BICC1: variants seen among roughly 807,000 people sequenced by gnomAD.
BICC1 encodes the protein BicC family RNA binding protein 1.
A neutral mutation model predicts 111.0 loss-of-function variants in BICC1; 43 were observed. The ratio of observed to expected loss-of-function variants is 0.39; its 90% CI spans 0.30 to 0.50. The LOEUF (loss-of-function observed/expected upper bound fraction) is 0.50, where lower values mean the gene tolerates loss of function less well. BICC1 is among the 20% of genes least tolerant of loss of function. BICC1 has a pLI of 0.88. For missense variants in BICC1, 1,091 were observed against 1,203.2 expected, an observed-to-expected ratio of 0.91 and a Z score of 1.38; for synonymous variants, 467 against 434.4, an observed-to-expected ratio of 1.07 and a Z score of -0.93.
chr10:58,588,845 A>C (rs1414848989), intron 1 of BICC1, among the ~76,000 whole-genome samples: 3 of 152,220 alleles, frequency 2.0e-5, no homozygotes, highest in African/African-American at 7.2e-5. Flanking sequence ...ATGGCATAGC[A>C]GACTTGGCCA....
intron 1 of BICC1, among the ~76,000 whole-genome samples, chr10:58,531,531 C>A (rs1325576915): frequency 6.6e-6 from 1 of 151,666 alleles, no homozygotes; most frequent in Non-Finnish European, 1.5e-5. Context: ...GGCACACAAA[C>A]AGGGAAAATA....
At chr10:58,671,414 C>T (rs1839180609) in intron 2 of BICC1, among the ~76,000 whole-genome samples, 1 of 152,052 alleles carries the variant, frequency 6.6e-6, no homozygotes, top group Non-Finnish European at 1.5e-5. Flanking sequence ...CTGTGGATAT[C>T]ACAGTCCAGT....
intron 2 of BICC1, among the ~76,000 whole-genome samples, chr10:58,625,095 T>C (rs556638236): frequency 2.6e-5 from 4 of 152,352 alleles, no homozygotes; most frequent in African/African-American, 9.6e-5. Context: ...CGGCTCTGAC[T>C]ACACTTATAA....
chr10:58,799,152 C>G lies in BICC1; in HGVS notation c.1625C>G (p.Ala542Gly). The change falls in exon 12 of 21, where the codon GCT (alanine) becomes GGT (glycine). Residue 542 changes from alanine to glycine, a missense_variant. Physicochemically the swap from Ala to Gly is moderately conservative, Grantham distance 60. Transcript: ENST00000373886. Reference sequence around the variant, plus strand: ...GGAGTGCCCACCTATGGGCACACAGCTCCATCTCCCCCTCCTGGCTTGACT... The same window carrying G: ...GGAGTGCCCACCTATGGGCACACAGGTCCATCTCCCCCTCCTGGCTTGACT... The part of the protein sequence containing the change: ...LSGVPTYGHT[A>G]PSPPPGLTPV... The G allele has an allele frequency of 6.2e-7, 1 of 1,613,848 alleles. No homozygotes were observed. The highest frequency in any genetic ancestry group is 1.3e-5 in the African/African-American group (1 of 75,042).
intron 3 of BICC1, among the ~76,000 whole-genome samples, chr10:58,752,379 A>T (rs925712359): frequency 6.6e-6 from 1 of 152,172 alleles, no homozygotes. Context: ...CAGTAGAAGG[A>T]TCTAATTCTC....
At chr10:58,820,236 G>T in intron 19 of BICC1, 133 bp from the exon 20 acceptor site, 2 of 564,828 alleles carry the variant, frequency 3.5e-6, no homozygotes, top group South Asian at 2.3e-5. Flanking sequence ...TCTTAGGTTT[G>T]TGCTACCACC....
At chr10:58,790,005 T>C (rs1235622421) in intron 8 of BICC1, 72 bp downstream of exon 8, 1 of 1,497,100 alleles carries the variant, frequency 6.7e-7, no homozygotes, top group South Asian at 1.3e-5. Flanking sequence ...TTCCATCCAC[T>C]GTACTAATGT....
At chr10:58,621,914 T>C (rs78597913) in intron 2 of BICC1, among the ~76,000 whole-genome samples, 41,368 of 81,614 alleles carry the variant, frequency 0.51, 11,943 homozygotes, top group African/African-American at 0.58. Context: ...TAGAATAGAA[T>C]AGAATAGAAT....
At chr10:58,642,268 G>C (rs1351146936) in intron 2 of BICC1, among the ~76,000 whole-genome samples, 8 of 152,172 alleles carry the variant, frequency 5.3e-5, no homozygotes, top group Admixed American at 5.2e-4. Flanking sequence ...ACTCATGGTG[G>C]CTTCTTATTC....
intron 3 of BICC1, among the ~76,000 whole-genome samples, chr10:58,773,474 A>T (rs1461094668): frequency 6.6e-6 from 1 of 152,220 alleles, no homozygotes; most frequent in Non-Finnish European, 1.5e-5. Flanking sequence ...TTAATAGATG[A>T]TGAGGCACAA....
intron 1 of BICC1, among the ~76,000 whole-genome samples, chr10:58,574,730 C>T (rs1844057573): frequency 6.6e-6 from 1 of 152,024 alleles, no homozygotes; most frequent in Non-Finnish European, 1.5e-5. Context: ...TTAAAAATAA[C>T]ATAAAACTTA....
chr10:58,779,321 A>C (rs769352439), intron 3 of BICC1, among the ~76,000 whole-genome samples: 3 of 152,226 alleles, frequency 2.0e-5, no homozygotes, highest in Non-Finnish European at 4.4e-5. Context: ...TTTGTGCCTA[A>C]AAGCACATTA....
At chr10:58,721,012 G>A (rs1422590009) in intron 3 of BICC1, among the ~76,000 whole-genome samples, 1 of 152,170 alleles carries the variant, frequency 6.6e-6, no homozygotes, top group Non-Finnish European at 1.5e-5. Context: ...GGCCTGATCT[G>A]TGCTTCTCTA....
At chr10:58,782,119 G>A (rs1003227221) in intron 3 of BICC1, among the ~76,000 whole-genome samples, 2 of 152,046 alleles carry the variant, frequency 1.3e-5, no homozygotes, top group African/African-American at 4.8e-5. Flanking sequence ...TTTCTGTTGA[G>A]GCGTTTGCTT....
At chr10:58,628,417 G>A (rs1417857510) in intron 2 of BICC1, among the ~76,000 whole-genome samples, 1 of 152,040 alleles carries the variant, frequency 6.6e-6, no homozygotes, top group Non-Finnish European at 1.5e-5. Context: ...TCATTTCTAG[G>A]TAGTGTTAAT....
At chr10:58,567,538 A>C (rs1649044) in intron 1 of BICC1, among the ~76,000 whole-genome samples, 72,180 of 150,788 alleles carry the variant, frequency 0.48, 18,358 homozygotes, top group Admixed American at 0.64. Flanking sequence ...GTATATATAT[A>C]TATCTCTTTT....
Position 58,620,873 on chromosome 10 carries a change from G to A in BICC1, c.209G>A (p.Gly70Asp), listed in dbSNP as rs756890124. The change falls in exon 2 of 21, where the codon GGC becomes GAC. Residue 70 changes from glycine (G) to aspartate (D), a missense_variant. By Grantham distance (94) the Gly-to-Asp change is moderately conservative. Around this residue, in one of 3 missense-constraint regions of BICC1, gnomAD observed 843 missense variants for 900.8 expected, o/e 0.94. Coordinates refer to ENST00000373886, the MANE Select transcript of BICC1 (RefSeq NM_001080512.3). ...AMLQAAAEGK[G>D]RSGEDFFQKI... ...TTTACAGCTGCTGCTGAAGGGAAAG[G>A]CAGAAGTGGGGAAGACTTTTTTCAA... 3 of 1,613,458 alleles carry A rather than the reference G, an allele frequency of 1.9e-6. No homozygotes were observed. The highest frequency in any genetic ancestry group is 1.1e-5 in the South Asian group (1 of 90,934).
chr10:58,543,163 T>C (rs1423848700), intron 1 of BICC1, among the ~76,000 whole-genome samples: 1 of 151,964 alleles, frequency 6.6e-6, no homozygotes, highest in East Asian at 1.9e-4. Flanking sequence ...GATATAGACA[T>C]ACAATGGAAT....
chr10:58,783,798 A>G (rs910490741), intron 3 of BICC1, among the ~76,000 whole-genome samples: 2 of 152,214 alleles, frequency 1.3e-5, no homozygotes, highest in South Asian at 2.1e-4. Context: ...AATTATCTCT[A>G]TGTTATTCAG....
Sources: allele counts gnomAD v4.1 joint callset (sites outside exome capture counted in the v4.1 genomes callset), GRCh38; gene constraint gnomAD v4.1.1; regional missense constraint gnomAD v4.1.1; transcripts MANE v1.5; gene names NCBI Gene and HGNC (gene_info 2026-07-23, HGNC 2026-07-21).